TNFRSF8: variants seen among roughly 807,000 people sequenced by gnomAD.
The protein encoded by TNFRSF8 is TNF receptor superfamily member 8.
In TNFRSF8, 26 loss-of-function variants were observed where a neutral mutation model predicts 70.8. The ratio of observed to expected loss-of-function variants is 0.37; its 90% confidence interval spans 0.27 to 0.51. The LOEUF is 0.51. TNFRSF8 is among the 20% of genes least tolerant of loss of function. The pLI is 0.94. For missense variants in TNFRSF8, 720 were observed against 807.9 expected, an observed-to-expected ratio of 0.89 and a Z score of 1.32; for synonymous variants, 356 against 339.2, an observed-to-expected ratio of 1.05 and a Z score of -0.54.
chr1:12,094,618 T>TTG lies in TNFRSF8; in HGVS notation c.152-2482_152-2481insGT, dbSNP rs1470572135. ...GAGTGACAGCCATGAAGCTAGTTTTTTTTTTTTTTTTTGCTTTTTTTTTTT... is the reference window on the plus strand; with the variant it reads ...GAGTGACAGCCATGAAGCTAGTTTTTTGTTTTTTTTTTTTGCTTTTTTTTTTT... On this transcript the variant is annotated intron_variant, in intron 2 of 14. Coordinates refer to ENST00000263932, the MANE Select transcript of TNFRSF8 (RefSeq NM_001243.5). 2.2e-3 allele frequency among the ~76,000 whole-genome samples: 326 copies of TTG among 150,946 alleles called. 3 individuals are homozygous for TTG. Among genetic ancestry groups the TTG allele is most frequent in the African/African-American group, 7.6e-3 (308 of 40,630 alleles).
chr1:12,078,736 G>A lies in TNFRSF8; in HGVS notation c.64-5728G>A, dbSNP rs551071512. On this transcript the variant is annotated intron_variant, in intron 1 of 14. Transcript: ENST00000263932. ...CTGTGTGACTTTGGGCAGATTTCTCGTCCTTACGTCTCAGTCTCCCCCATC... is the reference window on the plus strand; with the variant it reads ...CTGTGTGACTTTGGGCAGATTTCTCATCCTTACGTCTCAGTCTCCCCCATC... Among the ~76,000 whole-genome samples the A allele has an allele frequency of 4.6e-5, 7 of 152,244 alleles. No homozygotes were observed. The South Asian group carries it at 6.2e-4, about 14-fold the overall frequency.
chr1:12,084,468 G>A lies in TNFRSF8; in HGVS notation c.68G>A (p.Arg23Gln), dbSNP rs757477277. ...CCAGCTTTTCTGACCTGCCAGGATCGACCCTTCGAGGACACCTGTCATGGA... is the reference window on the plus strand; with the variant it reads ...CCAGCTTTTCTGACCTGCCAGGATCAACCCTTCGAGGACACCTGTCATGGA... The part of the protein sequence containing the change: ...LGALRAFPQD[R>Q]PFEDTCHGNP... The change falls in exon 2 of 15, where the codon CGA (arginine) becomes CAA (glutamine). Residue 23 changes from arginine to glutamine, a missense_variant. Transcript: ENST00000263932. 1.9e-5 allele frequency: 31 copies of A among 1,613,820 alleles called. No individual in the cohort carries two copies. The East Asian group carries it at 6.7e-4, about 35-fold the overall frequency.
chr1:12,135,087 G>A (rs559688309), intron 12 of TNFRSF8, among the ~76,000 whole-genome samples: 11 of 152,156 alleles, frequency 7.2e-5, no homozygotes, highest in African/African-American at 1.7e-4. Flanking sequence ...AGGCCAAGGC[G>A]GGCAGGTCAG....
Position 12,111,999 on chromosome 1 carries a change from G to T in TNFRSF8, c.778G>T (p.Val260Leu), listed in dbSNP as rs141023619. ...LDEAGRCTACVSCSRDDLVEK... is the reference protein window; with the variant it reads ...LDEAGRCTACLSCSRDDLVEK... ...CGAGGCCGGCCGCTGCACGGCCTGC[G>T]TGAGCTGTTCTCGAGGTAAGGGCCT... Residue 260 changes from valine to leucine, a missense_variant, in exon 7 of 15, where the codon GTG becomes TTG. Val to Leu is a conservative substitution (Grantham distance 32). Coordinates refer to ENST00000263932, the MANE Select transcript of TNFRSF8 (RefSeq NM_001243.5). 1 of 1,613,944 alleles carries T rather than the reference G, an allele frequency of 6.2e-7. No individual in the cohort carries two copies.
intron 8 of TNFRSF8, among the ~76,000 whole-genome samples, chr1:12,117,434 G>C (rs11569902): frequency 6.6e-6 from 1 of 152,118 alleles, no homozygotes; most frequent in Non-Finnish European, 1.5e-5. Context: ...GGGAAAGTTC[G>C]GGCCACTAGT....
intron 1 of TNFRSF8, among the ~76,000 whole-genome samples, chr1:12,078,804 G>A (rs1202079580): frequency 1.3e-5 from 2 of 152,182 alleles, no homozygotes; most frequent in Non-Finnish European, 2.9e-5. Context: ...AATTACTTTC[G>A]CTATGGAAAG....
At chr1:12,135,213 G>C (rs1382010724) in intron 12 of TNFRSF8, among the ~76,000 whole-genome samples, 1 of 151,122 alleles carries the variant, frequency 6.6e-6, no homozygotes, top group Non-Finnish European at 1.5e-5. Context: ...CTATTCGGGA[G>C]GCTGAGGCAT....
At position 12,113,721 on chromosome 1, in the gene TNFRSF8, T is replaced by G. The variant is rs919861440; in HGVS notation, c.793+1707T>G. ...ACTGAGAGACAGAGAGAGACAGAGA[T>G]AGAGTGTGACAGAGAGAAAGACAGA... On this transcript the variant is annotated intron_variant, in intron 7 of 14. Transcript: ENST00000263932. This position sits in a 1 kb window ranked among gnomAD's most constrained non-coding sequence, Gnocchi z 4.9. Among the ~76,000 whole-genome samples the G allele has an allele frequency of 4.7e-4, 60 of 128,948 alleles. No individual in the cohort carries two copies. The highest frequency in any genetic ancestry group is 7.6e-4 in the South Asian group (3 of 3,930). The allele number at this position is 128,948 out of a possible 152,430, so 84.6% of individuals were successfully genotyped here.
At chr1:12,077,282 T>C (rs561377911) in intron 1 of TNFRSF8, among the ~76,000 whole-genome samples, 1 of 152,308 alleles carries the variant, frequency 6.6e-6, no homozygotes, top group South Asian at 2.1e-4. Context: ...GACAGGAAGA[T>C]GATCCTGGAT....
rs891034283 is a variant in TNFRSF8 at position 12,108,507 on chromosome 1, G to A, written c.422-1059G>A. On this transcript the variant is annotated intron_variant, in intron 4 of 14. Coordinates refer to ENST00000263932, the MANE Select transcript of TNFRSF8 (RefSeq NM_001243.5). The surrounding 1 kb of genome is among the most constrained non-coding windows in gnomAD (Gnocchi z 4.0). ...TTCTGTTTATCCTGACGACAGCCTG[G>A]TGAAGAGTGTATGATTATAGTCATT... Among the ~76,000 whole-genome samples, 1 of 152,176 alleles carries A rather than the reference G, an allele frequency of 6.6e-6. No homozygotes were observed. Among genetic ancestry groups the A allele is most frequent in the African/African-American group, 2.4e-5 (1 of 41,444 alleles).
At chr1:12,118,404 C>T (rs1356368085) in intron 8 of TNFRSF8, among the ~76,000 whole-genome samples, 1 of 152,202 alleles carries the variant, frequency 6.6e-6, no homozygotes, top group African/African-American at 2.4e-5. Context: ...AGCCACCGCA[C>T]CCGGCCAAGC....
intron 12 of TNFRSF8, among the ~76,000 whole-genome samples, chr1:12,131,887 G>A (rs969883623): frequency 4.0e-5 from 6 of 151,890 alleles, no homozygotes; most frequent in African/African-American, 2.4e-5. Context: ...TCTGCTTCCC[G>A]GGTTCCAGCA....
Position 12,138,155 on chromosome 1 carries a change from A to G in TNFRSF8, c.1336-74A>G. 7 of 1,503,238 alleles carry G rather than the reference A, an allele frequency of 4.7e-6. No individual in the cohort carries two copies. The highest frequency in any genetic ancestry group is 1.3e-5 in the South Asian group (1 of 79,514). The allele number at this position is 1,503,238 out of a possible 1,614,324, so 93.1% of individuals were successfully genotyped here. A position where few individuals can be genotyped will look rare whatever the true frequency, so the allele number is the denominator to read the frequency against. On this transcript the variant is annotated intron_variant, in intron 13 of 14. Coordinates refer to ENST00000263932, the MANE Select transcript of TNFRSF8 (RefSeq NM_001243.5). This position sits in a 1 kb window ranked among gnomAD's most constrained non-coding sequence, Gnocchi z 5.7. ...TGGGGTCTGTAGAGATGAAAAAAAA[A>G]AGGGGCCTCCCAGTTCAGAGACTGG...
chr1:12,075,078 T>C (rs1640914965), intron 1 of TNFRSF8, among the ~76,000 whole-genome samples: 1 of 152,024 alleles, frequency 6.6e-6, no homozygotes, highest in Admixed American at 6.6e-5. Context: ...ACCCAATCTC[T>C]ACTAAAAATA....
chr1:12,121,957 C>T (rs1249785216), intron 8 of TNFRSF8, among the ~76,000 whole-genome samples: 5 of 152,070 alleles, frequency 3.3e-5, no homozygotes, highest in African/African-American at 1.2e-4. Flanking sequence ...GAAGCCAGAC[C>T]CCAAAGAGTA....
At chr1:12,093,768 T>C (rs1641283842) in intron 2 of TNFRSF8, among the ~76,000 whole-genome samples, 1 of 152,108 alleles carries the variant, frequency 6.6e-6, no homozygotes, top group Admixed American at 6.5e-5. Context: ...CTCAAACTCC[T>C]GACCTCAAAT....
At position 12,135,633 on chromosome 1, in the gene TNFRSF8, C is replaced by T. The variant is rs1364783697; in HGVS notation, c.1335+20C>T. ...TCAACGGTAAGTACCCCTCCCTTGC[C>T]CCCACCTCAGCTTCGTGCCCCTAAA... On this transcript the variant is annotated intron_variant, in intron 13 of 14. Transcript: ENST00000263932. 1 of 1,613,906 alleles carries T rather than the reference C, an allele frequency of 6.2e-7. No homozygotes were observed. The highest frequency in any genetic ancestry group is 2.2e-5 in the East Asian group (1 of 44,866).
At chr1:12,083,261 A>G (rs1327267353) in intron 1 of TNFRSF8, among the ~76,000 whole-genome samples, 1 of 152,228 alleles carries the variant, frequency 6.6e-6, no homozygotes, top group African/African-American at 2.4e-5. Flanking sequence ...ATCTATCAGA[A>G]CTGAACATGC....
At chr1:12,082,638 C>T (rs923371118) in intron 1 of TNFRSF8, among the ~76,000 whole-genome samples, 2 of 151,548 alleles carry the variant, frequency 1.3e-5, no homozygotes, top group African/African-American at 4.8e-5. Flanking sequence ...GAGTGAGCCT[C>T]TCCGACCCCT....
Sources: gnomAD v4.1 joint callset for allele counts (sites outside exome capture counted in the v4.1 genomes callset) on GRCh38, gnomAD v4.1.1 for gene constraint, Gnocchi (gnomAD v3.1) non-coding constraint, MANE v1.5 for transcripts, NCBI Gene and HGNC (gene_info 2026-07-23, HGNC 2026-07-21) for gene names.